The following CTXND1 variants were observed in gnomAD, a reference collection of about 807,000 sequenced individuals.
CTXND1 encodes the protein cortexin domain containing 1, also known as cortexin domain-containing 1 protein.
At chr15:80,241,461 T>C (rs777172757) in intron 1 of CTXND1, among the ~76,000 whole-genome samples, 2 of 152,070 alleles carry the variant, frequency 1.3e-5, no homozygotes, top group Non-Finnish European at 2.9e-5. Context: ...GACCTTCAAG[T>C]ATCACCTGCT....
chr15:80,210,249 G>A (rs896954724), intron 1 of CTXND1, among the ~76,000 whole-genome samples: 2 of 152,146 alleles, frequency 1.3e-5, no homozygotes, highest in African/African-American at 4.8e-5. Flanking sequence ...ACATAGCCAG[G>A]CTTGTTCTAG....
chr15:80,235,424 C>T (rs1893484228), intron 1 of CTXND1, among the ~76,000 whole-genome samples: 1 of 152,178 alleles, frequency 6.6e-6, no homozygotes, highest in Non-Finnish European at 1.5e-5. Context: ...AGATGGCTGG[C>T]ATCCTTGGCT....
At chr15:80,218,666 T>C (rs1893279644) in intron 1 of CTXND1, among the ~76,000 whole-genome samples, 1 of 152,012 alleles carries the variant, frequency 6.6e-6, no homozygotes, top group Non-Finnish European at 1.5e-5. Flanking sequence ...TAGTTAAACA[T>C]GTACAAAATC....
At chr15:80,237,072 A>G (rs1893507287) in intron 1 of CTXND1, among the ~76,000 whole-genome samples, 1 of 152,196 alleles carries the variant, frequency 6.6e-6, no homozygotes, top group Admixed American at 6.5e-5. Flanking sequence ...GCGGTGGCTC[A>G]TGCCTGTGAT....
chr15:80,208,536 C>T (rs1377274098), intron 1 of CTXND1, among the ~76,000 whole-genome samples: 4 of 152,140 alleles, frequency 2.6e-5, no homozygotes, highest in Non-Finnish European at 5.9e-5. Flanking sequence ...CTTACATTTC[C>T]ATGATGCAGA....
At chr15:80,224,739 T>A (rs1440269770) in intron 1 of CTXND1, among the ~76,000 whole-genome samples, 1 of 152,168 alleles carries the variant, frequency 6.6e-6, no homozygotes, top group Non-Finnish European at 1.5e-5. Flanking sequence ...ATTTGAGTAG[T>A]GTTTTTTGAG....
chr15:80,233,921 AG>A (rs1893461610), intron 1 of CTXND1, among the ~76,000 whole-genome samples: 1 of 152,198 alleles, frequency 6.6e-6, no homozygotes, highest in Non-Finnish European at 1.5e-5. Flanking sequence ...ACTTGACCAT[AG>A]GTTCCATAAG....
intron 1 of CTXND1, among the ~76,000 whole-genome samples, chr15:80,246,112 A>G (rs771687070): frequency 1.3e-5 from 2 of 152,094 alleles, no homozygotes; most frequent in Non-Finnish European, 2.9e-5. Flanking sequence ...AATGAGAAAA[A>G]CATTTTCCTC....
chr15:80,246,941 T>C (rs1442316060), intron 1 of CTXND1, among the ~76,000 whole-genome samples: 4 of 152,182 alleles, frequency 2.6e-5, no homozygotes, highest in Non-Finnish European at 5.9e-5. Flanking sequence ...TCACATACAT[T>C]TTCCCAGGCC....
intron 1 of CTXND1, among the ~76,000 whole-genome samples, chr15:80,230,723 C>CAAAGTATGGGTATTTA (rs1180720108): frequency 1.3e-5 from 2 of 152,026 alleles, no homozygotes; most frequent in Non-Finnish European, 2.9e-5. Context: ...CCCACAAGTT[C>CAAAGTATGGGTATTTA]AAAGTATGGG....
intron 1 of CTXND1, among the ~76,000 whole-genome samples, chr15:80,227,947 C>T (rs1419646273): frequency 1.3e-5 from 2 of 152,220 alleles, no homozygotes; most frequent in African/African-American, 4.8e-5. Flanking sequence ...GCATTTCACC[C>T]ACAGTAGAAC....
At chr15:80,236,383 GC>G (rs1214580409) in intron 1 of CTXND1, among the ~76,000 whole-genome samples, 1 of 152,144 alleles carries the variant, frequency 6.6e-6, no homozygotes, top group African/African-American at 2.4e-5. Flanking sequence ...GGCTGCCTTT[GC>G]ACTATGACAG....
chr15:80,233,821 C>A (rs1893460436), intron 1 of CTXND1, among the ~76,000 whole-genome samples: 2 of 152,224 alleles, frequency 1.3e-5, no homozygotes, highest in Admixed American at 1.3e-4. Context: ...CTGTGCGCAT[C>A]TGAATTGCAG....
At chr15:80,214,989 A>G (rs149602887) in intron 1 of CTXND1, among the ~76,000 whole-genome samples, 11 of 152,362 alleles carry the variant, frequency 7.2e-5, no homozygotes, top group African/African-American at 2.6e-4. Context: ...AGGCAGTACT[A>G]TGAAAACTCT....
intron 1 of CTXND1, among the ~76,000 whole-genome samples, chr15:80,220,962 G>A (rs1893309072): frequency 1.3e-5 from 2 of 149,484 alleles, no homozygotes; most frequent in South Asian, 4.2e-4. Context: ...AGGCTGGAGT[G>A]CAGTGGCGCG....
chr15:80,236,305 T>C (rs1199893708), intron 1 of CTXND1, among the ~76,000 whole-genome samples: 2 of 152,036 alleles, frequency 1.3e-5, no homozygotes, highest in African/African-American at 4.8e-5. Flanking sequence ...TCATGTGACA[T>C]TGGGATTTCA....
intron 1 of CTXND1, among the ~76,000 whole-genome samples, chr15:80,223,377 C>T (rs2142131281): frequency 6.6e-6 from 1 of 152,244 alleles, no homozygotes; most frequent in Non-Finnish European, 1.5e-5. Flanking sequence ...CATATTTTTG[C>T]ATGTATTAGT....
At chr15:80,204,959 C>G (rs1018888849) in intron 1 of CTXND1, among the ~76,000 whole-genome samples, 2 of 152,148 alleles carry the variant, frequency 1.3e-5, no homozygotes. Context: ...TTTTTACTAC[C>G]CCTCTCCCCA....
chr15:80,210,114 A>G (rs1261709040), intron 1 of CTXND1, among the ~76,000 whole-genome samples: 1 of 152,218 alleles, frequency 6.6e-6, no homozygotes, highest in Admixed American at 6.5e-5. Flanking sequence ...ATCATCTGGT[A>G]ATAGAAACAC....
Sources: allele counts gnomAD v4.1 joint callset (sites outside exome capture counted in the v4.1 genomes callset), GRCh38; gene constraint gnomAD v4.1.1; transcripts MANE v1.5; gene names NCBI Gene and HGNC (gene_info 2026-07-23, HGNC 2026-07-21).